Variants in KIF1B observed in about 807,000 individuals in gnomAD.
KIF1B encodes the protein kinesin-like protein KIF1B.
A neutral mutation model predicts 241.9 loss-of-function variants in KIF1B; 76 were observed. That is an observed-to-expected ratio of 0.31 (90% CI 0.26 to 0.38). The LOEUF is 0.38. Ranked by LOEUF, KIF1B falls within the 10% of genes least tolerant of loss-of-function variation. KIF1B has a pLI of 1.00. For synonymous variants in KIF1B, 750 were observed against 796.7 expected (o/e 0.94, Z 0.99); for missense variants, 1,622 against 2,271.4 (o/e 0.71, Z 5.81).
intron 37 of KIF1B, among the ~76,000 whole-genome samples, chr1:10,351,459 CAT>C (rs1036362893): frequency 1.3e-5 from 2 of 152,172 alleles, no homozygotes; most frequent in African/African-American, 4.8e-5. Flanking sequence ...TCATAGCAAC[CAT>C]ATATGGAAGG....
chr1:10,272,716 T>C (rs1021629827), intron 9 of KIF1B, among the ~76,000 whole-genome samples: 1 of 114,218 alleles, frequency 8.8e-6, no homozygotes, highest in African/African-American at 3.6e-5. Flanking sequence ...GGGCCAGTAG[T>C]TTTTTTTTTT....
chr1:10,241,554 C>T (rs151132480), intron 2 of KIF1B, among the ~76,000 whole-genome samples: 13 of 152,080 alleles, frequency 8.5e-5, no homozygotes, highest in African/African-American at 2.4e-4. Flanking sequence ...GCTTCTTTAC[C>T]TAAATAAATA....
At chr1:10,304,627 G>C (rs751147171) in intron 22 of KIF1B, 6 of 1,613,898 alleles carry the variant, frequency 3.7e-6, no homozygotes, top group Non-Finnish European at 4.2e-6. Context: ...TCTCAAAGCT[G>C]GTCGAGAAAC....
At chr1:10,296,015 T>TGG (rs1650246670) in intron 19 of KIF1B, among the ~76,000 whole-genome samples, 1 of 152,204 alleles carries the variant, frequency 6.6e-6, no homozygotes, top group East Asian at 1.9e-4. Context: ...AGGCTTGGTC[T>TGG]GGAATGTTAA....
chr1:10,279,874 T>G (rs1055682988), intron 14 of KIF1B, among the ~76,000 whole-genome samples: 8 of 151,966 alleles, frequency 5.3e-5, no homozygotes, highest in Admixed American at 5.2e-4. Flanking sequence ...TTTTTTAATT[T>G]TTTATTTGTA....
At chr1:10,273,569 A>C (rs1648917952) in intron 10 of KIF1B, among the ~76,000 whole-genome samples, 1 of 152,074 alleles carries the variant, frequency 6.6e-6, no homozygotes, top group Non-Finnish European at 1.5e-5. Flanking sequence ...TCTAAAATTG[A>C]ACCTGCTATT....
intron 7 of KIF1B, among the ~76,000 whole-genome samples, chr1:10,269,980 A>G (rs921796853): frequency 7.2e-5 from 11 of 152,166 alleles, no homozygotes; most frequent in African/African-American, 2.7e-4. Context: ...CGAATCTACA[A>G]AATTAATGTT....
chr1:10,372,821 A>G (rs61778404), intron 45 of KIF1B, among the ~76,000 whole-genome samples: 49,081 of 148,466 alleles, frequency 0.33, 8,186 homozygotes, highest in Middle Eastern at 0.38. Flanking sequence ...TTATTTATTT[A>G]TTTACTTTTG....
Position 10,374,516 on chromosome 1 carries a change from G to A in KIF1B, c.5096+51G>A, listed in dbSNP as rs1487396158. On this transcript the variant is annotated intron_variant, in intron 46 of 48. Transcript: ENST00000676179. This position sits in a 1 kb window ranked among gnomAD's most constrained non-coding sequence, Gnocchi z 4.3. ...CCAGCTATAAAAAACAAATCCACAG[G>A]AAGAAGTGACTGGCCAGCTCTTCCC... 7 of 1,593,012 alleles carry A rather than the reference G, an allele frequency of 4.4e-6. No individual in the cohort carries two copies. The highest frequency in any genetic ancestry group is 6.0e-6 in the Non-Finnish European group (7 of 1,161,668).
intron 1 of KIF1B, among the ~76,000 whole-genome samples, chr1:10,213,545 T>C (rs1646724507): frequency 6.6e-6 from 1 of 152,184 alleles, no homozygotes; most frequent in Admixed American, 6.6e-5. Context: ...GCCCCCTGCC[T>C]TCCTGTTTGT....
chr1:10,236,849 A>G (rs1171359898), intron 2 of KIF1B, among the ~76,000 whole-genome samples: 1 of 151,420 alleles, frequency 6.6e-6, no homozygotes, highest in African/African-American at 2.4e-5. Flanking sequence ...TTTTTTAAAC[A>G]CCATTGGGCT....
chr1:10,342,966 A>G (rs1652455908), intron 33 of KIF1B, among the ~76,000 whole-genome samples: 1 of 152,214 alleles, frequency 6.6e-6, no homozygotes, highest in Admixed American at 6.5e-5. Context: ...TCCAACTTGG[A>G]ATCCAGAACT....
chr1:10,326,540 A>G lies in KIF1B; in HGVS notation c.2924+181A>G, dbSNP rs563146458. The stretch of plus-strand genomic sequence containing the variant: ...GGTCTGGCTGAGATGGTTCTCAGGC[A>G]TTGTGTGTGAGGTCCTCAGTCTACT... On this transcript the variant is annotated intron_variant, in intron 27 of 48. Coordinates refer to ENST00000676179, the MANE Select transcript of KIF1B (RefSeq NM_001365951.3). The surrounding 1 kb of genome is among the most constrained non-coding windows in gnomAD (Gnocchi z 5.2). 6.6e-6 allele frequency among the ~76,000 whole-genome samples: 1 copy of G among 152,276 alleles called. No individual in the cohort carries two copies. Among genetic ancestry groups the G allele is most frequent in the Non-Finnish European group, 1.5e-5 (1 of 68,018 alleles).
chr1:10,259,335 G>A (rs1477452195), intron 4 of KIF1B, among the ~76,000 whole-genome samples: 1 of 151,674 alleles, frequency 6.6e-6, no homozygotes, highest in Non-Finnish European at 1.5e-5. Context: ...ATTTATTTGA[G>A]ACAGGGTCTC....
rs781002245 is a variant in KIF1B at position 10,375,294 on chromosome 1, G to A, written c.5329G>A (p.Val1777Ile). 5 of 1,614,162 alleles carry A rather than the reference G, an allele frequency of 3.1e-6. No individual in the cohort carries two copies. The highest frequency in any genetic ancestry group is 4.2e-6 in the Non-Finnish European group (5 of 1,180,024). Residue 1777 changes from valine (V) to isoleucine (I), a missense_variant, in exon 48 of 49, where the codon GTC (valine) becomes ATC (isoleucine). By Grantham distance (29) the Val-to-Ile change is conservative. Coordinates refer to ENST00000676179, the MANE Select transcript of KIF1B (RefSeq NM_001365951.3). ...TFAVCTKHRG[V>I]LLQALNDKDM... ...TGCTGTCTGCACAAAGCACCGTGGGGTCCTTTTGCAGGCCCTCAATGACAA... is the reference window on the plus strand; with the variant it reads ...TGCTGTCTGCACAAAGCACCGTGGGATCCTTTTGCAGGCCCTCAATGACAA...
chr1:10,304,412 A>G, intron 22 of KIF1B: 1 of 1,614,096 alleles, frequency 6.2e-7, no homozygotes, highest in Non-Finnish European at 8.5e-7. Flanking sequence ...TTAAACTCCC[A>G]CAGTGGTCAC....
At chr1:10,282,171 T>C (rs1569693603) in intron 14 of KIF1B, 151 bp from the exon 15 acceptor site, 3 of 645,180 alleles carry the variant, frequency 4.6e-6, no homozygotes, top group East Asian at 2.7e-5. Context: ...TCTAGAACAG[T>C]TGTAACCTGT....
At chr1:10,236,273 AAACAAC>A (rs367849877) in intron 2 of KIF1B, among the ~76,000 whole-genome samples, 3,938 of 94,090 alleles carry the variant, frequency 0.042, 69 homozygotes, top group South Asian at 0.1. Flanking sequence ...CTCCATCCCA[AAACAAC>A]AACAACAACA....
chr1:10,343,777 ATAAAATAAAG>A (rs138064447), intron 34 of KIF1B, among the ~76,000 whole-genome samples: 2,893 of 152,246 alleles, frequency 0.019, 41 homozygotes, highest in Non-Finnish European at 0.028. Flanking sequence ...ATAAAATAAA[ATAAAATAAAG>A]TAATAAAATA....
Sources: allele counts gnomAD v4.1 joint callset (sites outside exome capture counted in the v4.1 genomes callset), GRCh38; gene constraint gnomAD v4.1.1; non-coding constraint Gnocchi (gnomAD v3.1); transcripts MANE v1.5; gene names NCBI Gene and HGNC (gene_info 2026-07-23, HGNC 2026-07-21).